FSTL5: variants seen among roughly 807,000 people sequenced by gnomAD.
FSTL5 encodes follistatin-related protein 5.
In FSTL5, 62 loss-of-function variants were observed where a neutral mutation model predicts 89.1. That is an observed-to-expected ratio of 0.70 (90% CI 0.57 to 0.86). The LOEUF (loss-of-function observed/expected upper bound fraction) is 0.86. FSTL5 is among the 40% of genes least tolerant of loss of function. FSTL5 has a pLI of 0.00. For synonymous variants in FSTL5, 383 were observed against 346.2 expected (o/e 1.11, Z -1.18); for missense variants, 1,057 against 1,001.6 (o/e 1.06, Z -0.75).
intron 3 of FSTL5, among the ~76,000 whole-genome samples, chr4:161,937,636 CT>C (rs1359222679): frequency 2.0e-5 from 3 of 152,250 alleles, no homozygotes; most frequent in South Asian, 4.1e-4. Context: ...GTATACAATT[CT>C]GGGGGAAAGA....
chr4:162,023,112 CAGGATTTACA>C (rs1314892029), intron 3 of FSTL5, among the ~76,000 whole-genome samples: 1 of 152,220 alleles, frequency 6.6e-6, no homozygotes, highest in African/African-American at 2.4e-5. Flanking sequence ...CTCATGGTCT[CAGGATTTACA>C]AGAAAAGCTA....
intron 6 of FSTL5, among the ~76,000 whole-genome samples, chr4:161,678,329 A>G (rs990610400): frequency 9.2e-5 from 14 of 151,994 alleles, no homozygotes; most frequent in African/African-American, 3.4e-4. Context: ...CTCATCAGGA[A>G]AAACAGAATA....
intron 6 of FSTL5, among the ~76,000 whole-genome samples, chr4:161,665,855 G>A (rs1399106793): frequency 6.6e-6 from 1 of 151,192 alleles, no homozygotes; most frequent in Non-Finnish European, 1.5e-5. Flanking sequence ...GCAAGGAGTG[G>A]ACAGCAAAAA....
At chr4:162,160,448 A>G (rs542001780) in intron 1 of FSTL5, among the ~76,000 whole-genome samples, 5 of 151,672 alleles carry the variant, frequency 3.3e-5, no homozygotes, top group Non-Finnish European at 7.4e-5. Context: ...TTGGTAAAGG[A>G]TAATTGGTCA....
At chr4:161,946,179 T>C (rs1329242692) in intron 3 of FSTL5, among the ~76,000 whole-genome samples, 1 of 152,178 alleles carries the variant, frequency 6.6e-6, no homozygotes, top group East Asian at 1.9e-4. Context: ...CATATGTTCA[T>C]TCGTTAACAT....
chr4:161,590,488 G>A (rs531304610), intron 7 of FSTL5, among the ~76,000 whole-genome samples: 4 of 152,228 alleles, frequency 2.6e-5, no homozygotes, highest in South Asian at 2.1e-4. Flanking sequence ...GCAGTGAGCC[G>A]AAATCGTGCC....
intron 7 of FSTL5, among the ~76,000 whole-genome samples, chr4:161,623,756 T>C (rs1432882019): frequency 6.6e-6 from 1 of 151,986 alleles, no homozygotes; most frequent in Non-Finnish European, 1.5e-5. Context: ...ATCTGTTTAT[T>C]TCTACTTAAA....
intron 4 of FSTL5, among the ~76,000 whole-genome samples, chr4:161,787,399 G>T (rs1741945270): frequency 6.6e-6 from 1 of 152,074 alleles, no homozygotes; most frequent in Admixed American, 6.6e-5. Flanking sequence ...CATTTGTAAA[G>T]TGTGAAGTGA....
intron 4 of FSTL5, among the ~76,000 whole-genome samples, chr4:161,880,704 C>T (rs1732600017): frequency 6.6e-6 from 1 of 152,132 alleles, no homozygotes; most frequent in African/African-American, 2.4e-5. Flanking sequence ...TGAAATACCA[C>T]TCAACAATGC....
chr4:161,598,118 T>A lies in FSTL5; in HGVS notation c.895-10543A>T, dbSNP rs577311901. Among the ~76,000 whole-genome samples, 28 of 152,292 alleles carry A rather than the reference T, an allele frequency of 1.8e-4. No individual in the cohort carries two copies. The East Asian group carries it at 4.6e-3, about 25-fold the overall frequency. ...TGGGCACAATAGCTCATGGCTGTAA[T>A]CCCAGCAGTTTGGGAGGTTGAGGCG... On this transcript the variant is annotated intron_variant, in intron 7 of 15. Transcript: ENST00000306100.
chr4:161,848,557 T>C (rs1473963717), intron 4 of FSTL5, among the ~76,000 whole-genome samples: 3 of 152,222 alleles, frequency 2.0e-5, no homozygotes, highest in Admixed American at 6.5e-5. Context: ...TTATGCTGCA[T>C]ATTTGCATAT....
At chr4:162,104,992 A>G (rs1422760219) in intron 2 of FSTL5, among the ~76,000 whole-genome samples, 2 of 152,214 alleles carry the variant, frequency 1.3e-5, no homozygotes, top group East Asian at 1.9e-4. Flanking sequence ...AATTTTAACA[A>G]TAAAAAAGCA....
intron 1 of FSTL5, among the ~76,000 whole-genome samples, chr4:162,141,075 C>T (rs1470023984): frequency 7.1e-6 from 1 of 140,052 alleles, no homozygotes; most frequent in Non-Finnish European, 1.5e-5. Context: ...GAGTTGGTTG[C>T]TTAAGAGTGT....
intron 3 of FSTL5, among the ~76,000 whole-genome samples, chr4:161,990,239 C>A (rs1288886159): frequency 6.6e-6 from 1 of 151,918 alleles, no homozygotes; most frequent in East Asian, 1.9e-4. Context: ...ATATGATTTC[C>A]CTCATATCAC....
At chr4:161,509,545 T>C (rs528427978) in intron 11 of FSTL5, among the ~76,000 whole-genome samples, 1 of 152,096 alleles carries the variant, frequency 6.6e-6, no homozygotes, top group East Asian at 1.9e-4. Flanking sequence ...AGCACAGAAT[T>C]GAGATGGCTA....
At chr4:161,737,576 G>A (rs908666547) in intron 6 of FSTL5, among the ~76,000 whole-genome samples, 33 of 151,874 alleles carry the variant, frequency 2.2e-4, no homozygotes, top group African/African-American at 7.7e-4. Context: ...CTCACCAGTT[G>A]AGCACAAGTA....
chr4:161,886,588 G>A (rs1197037254), intron 4 of FSTL5, among the ~76,000 whole-genome samples: 1 of 152,160 alleles, frequency 6.6e-6, no homozygotes, highest in African/African-American at 2.4e-5. Flanking sequence ...GGATACAAAA[G>A]GAGTCAGTAC....
intron 6 of FSTL5, among the ~76,000 whole-genome samples, chr4:161,681,073 A>G (rs1737502556): frequency 6.6e-6 from 1 of 152,092 alleles, no homozygotes; most frequent in African/African-American, 2.4e-5. Context: ...AGCTGTGGAA[A>G]TCAATTAATG....
chr4:161,425,860 T>A (rs1732151291), intron 15 of FSTL5, among the ~76,000 whole-genome samples: 1 of 152,076 alleles, frequency 6.6e-6, no homozygotes, highest in African/African-American at 2.4e-5. Flanking sequence ...CTGTTCTCTC[T>A]CTTTTTCTCT....
Sources: gnomAD v4.1 joint callset for allele counts (sites outside exome capture counted in the v4.1 genomes callset) on GRCh38, gnomAD v4.1.1 for gene constraint, MANE v1.5 for transcripts, NCBI Gene and HGNC (gene_info 2026-07-23, HGNC 2026-07-21) for gene names.